The following STOX2 variants were observed in gnomAD, a reference collection of about 807,000 sequenced individuals.
The protein encoded by STOX2 is storkhead box 2, also known as storkhead-box protein 2.
A neutral mutation model predicts 60.9 loss-of-function variants in STOX2; 28 were observed. The ratio of observed to expected loss-of-function variants is 0.46; its 90% CI spans 0.34 to 0.63. The LOEUF is 0.63. Ranked by LOEUF, STOX2 falls within the 30% of genes least tolerant of loss-of-function variation. The pLI, the probability that STOX2 is intolerant of heterozygous loss-of-function variation, is 0.01. For missense variants in STOX2, 1,024 were observed against 1,187.7 expected (o/e 0.86, Z 2.03); for synonymous variants, 472 against 463.9 (o/e 1.02, Z -0.22).
At chr4:183,994,211 T>C (rs1468057589) in intron 1 of STOX2, among the ~76,000 whole-genome samples, 5 of 152,222 alleles carry the variant, frequency 3.3e-5, no homozygotes, top group Admixed American at 3.3e-4. Flanking sequence ...GTTGTCCCCA[T>C]GCCCATAGTG....
chr4:183,891,848 A>T (rs1741223285), intron 1 of STOX2, among the ~76,000 whole-genome samples: 1 of 152,234 alleles, frequency 6.6e-6, no homozygotes, highest in Non-Finnish European at 1.5e-5. Context: ...GCCCTGAACC[A>T]GGTATAGTGT....
intron 1 of STOX2, among the ~76,000 whole-genome samples, chr4:183,873,843 T>G (rs1740751723): frequency 6.6e-6 from 1 of 152,236 alleles, no homozygotes; most frequent in African/African-American, 2.4e-5. Flanking sequence ...CTGCCAGGGC[T>G]GCACACCATG....
chr4:183,904,080 G>A (rs1185086640), upstream of STOX2, among the ~76,000 whole-genome samples: 1 of 152,194 alleles, frequency 6.6e-6, no homozygotes, highest in African/African-American at 2.4e-5. Flanking sequence ...TAAGGAGCAC[G>A]CAACCCAGAT....
At chr4:183,839,935 TTTTG>T (rs1235621969) in intron 1 of STOX2, among the ~76,000 whole-genome samples, 1 of 152,142 alleles carries the variant, frequency 6.6e-6, no homozygotes, top group Admixed American at 6.6e-5. Flanking sequence ...GCTCTAAGGG[TTTTG>T]TTTGTTCTTC....
chr4:183,916,248 T>C (rs1741928928), intron 1 of STOX2, among the ~76,000 whole-genome samples: 1 of 152,156 alleles, frequency 6.6e-6, no homozygotes, highest in African/African-American at 2.4e-5. Context: ...TTGTGCTTGG[T>C]GGTGGCTGTA....
chr4:183,847,635 C>T (rs1366550613), intron 1 of STOX2, among the ~76,000 whole-genome samples: 1 of 152,174 alleles, frequency 6.6e-6, no homozygotes, highest in Non-Finnish European at 1.5e-5. Flanking sequence ...AGACCACAAT[C>T]GAACTGGATA....
chr4:183,823,883 G>A (rs2111113178), intron 1 of STOX2, among the ~76,000 whole-genome samples: 1 of 150,924 alleles, frequency 6.6e-6, no homozygotes, highest in Middle Eastern at 3.4e-3. Context: ...TTTAGCTATT[G>A]TAAAGCATAA....
chr4:184,010,314 G>T lies in STOX2; in HGVS notation c.1476G>T (p.Arg492Ser). Reference sequence around the variant, plus strand: ...CCAACAAAGCCAAGGAGAGATCCAGGTCGATGGATAACTCCAAAGGCCCTC... The same window carrying T: ...CCAACAAAGCCAAGGAGAGATCCAGTTCGATGGATAACTCCAAAGGCCCTC... The part of the protein sequence containing the change: ...ERSNKAKERS[R>S]SMDNSKGPLG... The change falls in exon 3 of 4, where the codon AGG becomes AGT. Residue 492 changes from arginine to serine, a missense_variant. Coordinates refer to ENST00000308497, the MANE Select transcript of STOX2 (RefSeq NM_020225.3). The surrounding 1 kb of genome is among the most constrained non-coding windows in gnomAD (Gnocchi z 4.5). 6.2e-7 allele frequency: 1 copy of T among 1,603,192 alleles called. No homozygotes were observed. The highest frequency in any genetic ancestry group is 1.7e-5 in the Admixed American group (1 of 58,452).
intron 1 of STOX2, among the ~76,000 whole-genome samples, chr4:183,929,887 G>A (rs1027502533): frequency 1.4e-5 from 2 of 142,458 alleles, no homozygotes; most frequent in East Asian, 1.9e-4. Context: ...TCTTTGAGAC[G>A]GAGTCTCACT....
chr4:183,862,282 T>G (rs975412075), intron 1 of STOX2, among the ~76,000 whole-genome samples: 1 of 152,160 alleles, frequency 6.6e-6, no homozygotes, highest in Non-Finnish European at 1.5e-5. Flanking sequence ...TACAAGCGAT[T>G]CTCCTGCCTC....
intron 2 of STOX2, among the ~76,000 whole-genome samples, chr4:184,006,452 C>A (rs1376812815): frequency 6.6e-6 from 1 of 151,934 alleles, no homozygotes; most frequent in Non-Finnish European, 1.5e-5. Context: ...TGAAGTTATT[C>A]AGTGGAAGGC....
chr4:183,966,596 C>A lies in STOX2; in HGVS notation c.167-34729C>A, dbSNP rs185048309. On this transcript the variant is annotated intron_variant, in intron 1 of 3. Transcript: ENST00000308497. The stretch of plus-strand genomic sequence containing the variant: ...AGGCTACGCCACACATTCACCTTAA[C>A]CTTCATGAGACCACAATGCTGCAGA... 2.7e-3 allele frequency among the ~76,000 whole-genome samples: 408 copies of A among 152,308 alleles called. 2 individuals are homozygous for A. The highest frequency in any genetic ancestry group is 8.8e-3 in the African/African-American group (365 of 41,580).
At chr4:183,857,451 C>CCACAGGACTCGTTGCCTCGTAGGACTGGT in intron 1 of STOX2, among the ~76,000 whole-genome samples, 1 of 152,194 alleles carries the variant, frequency 6.6e-6, no homozygotes. Flanking sequence ...ACTGGTTATC[C>CCACAGGACTCGTTGCCTCGTAGGACTGGT]CATTGAAGGC....
chr4:183,886,855 A>G (rs1320860577), intron 1 of STOX2, among the ~76,000 whole-genome samples: 2 of 152,206 alleles, frequency 1.3e-5, no homozygotes, highest in Non-Finnish European at 2.9e-5. Flanking sequence ...ACAGATGTGC[A>G]TTCAATACCT....
At chr4:184,015,734 C>G (rs1734341560) in intron 3 of STOX2, 2 of 152,324 alleles carry the variant, frequency 1.3e-5, no homozygotes, top group African/African-American at 2.4e-5. Context: ...TTAACTAGCT[C>G]TAGCAGGCTT....
intron 1 of STOX2, among the ~76,000 whole-genome samples, chr4:183,874,977 ATATATATATATAT>A (rs1292239532): frequency 0.019 from 2,120 of 112,980 alleles, 40 homozygotes; most frequent in Middle Eastern, 0.04. Context: ...ATATATATAT[ATATATATATATAT>A]ATAAAACTTA....
intron 1 of STOX2, among the ~76,000 whole-genome samples, chr4:184,000,048 T>C (rs1733519729): frequency 6.6e-6 from 1 of 152,222 alleles, no homozygotes; most frequent in Non-Finnish European, 1.5e-5. Context: ...TATGTTCTAC[T>C]GTGTTGATAG....
At chr4:183,999,547 A>G (rs1733495289) in intron 1 of STOX2, among the ~76,000 whole-genome samples, 1 of 151,972 alleles carries the variant, frequency 6.6e-6, no homozygotes, top group Non-Finnish European at 1.5e-5. Context: ...GCTACAGTAG[A>G]GCTGATGGGA....
At chr4:183,942,570 T>C (rs891403272) in intron 1 of STOX2, among the ~76,000 whole-genome samples, 1 of 149,626 alleles carries the variant, frequency 6.7e-6, no homozygotes, top group African/African-American at 2.4e-5. Flanking sequence ...ATTATATTCT[T>C]CCTTTTCTTA....
Sources: gnomAD v4.1 joint callset for allele counts (sites outside exome capture counted in the v4.1 genomes callset) on GRCh38, gnomAD v4.1.1 for gene constraint, Gnocchi (gnomAD v3.1) non-coding constraint, MANE v1.5 for transcripts, NCBI Gene and HGNC (gene_info 2026-07-23, HGNC 2026-07-21) for gene names.